The following DNER variants were observed in gnomAD, a reference collection of about 807,000 sequenced individuals.
DNER encodes delta and Notch-like epidermal growth factor-related receptor.
In DNER, 33 loss-of-function variants were observed where a neutral mutation model predicts 78.2. The observed-to-expected ratio is 0.42, with a 90% CI of 0.32 to 0.56. DNER has a LOEUF of 0.56. DNER is among the 20% of genes least tolerant of loss of function. DNER has a pLI of 0.11. For synonymous variants in DNER, 417 were observed against 384.8 expected (o/e 1.08, Z -0.98); for missense variants, 918 against 975.3 (o/e 0.94, Z 0.78).
At chr2:229,453,427 C>T (rs1184388988) in intron 7 of DNER, among the ~76,000 whole-genome samples, 2 of 152,138 alleles carry the variant, frequency 1.3e-5, no homozygotes, top group African/African-American at 4.8e-5. Context: ...ATATGCAGAA[C>T]TTGTGCTCAG....
intron 10 of DNER, among the ~76,000 whole-genome samples, chr2:229,406,432 G>A (rs938676633): frequency 4.6e-5 from 7 of 151,996 alleles, no homozygotes; most frequent in South Asian, 2.1e-4. Flanking sequence ...GAAAAGCAGG[G>A]GATGGAACAT....
chr2:229,610,322 C>G (rs1322088058), intron 1 of DNER, among the ~76,000 whole-genome samples: 1 of 152,126 alleles, frequency 6.6e-6, no homozygotes, highest in Non-Finnish European at 1.5e-5. Context: ...CGCATGGACA[C>G]GGTAGAAGAG....
Position 229,591,498 on chromosome 2 carries a change from A to G in DNER, c.585+82T>C. 6.9e-7 allele frequency: 1 copy of G among 1,452,198 alleles called. No individual in the cohort carries two copies. Among genetic ancestry groups the G allele is most frequent in the Non-Finnish European group, 9.2e-7 (1 of 1,091,072 alleles). 90.0% of individuals were successfully genotyped at this position (1,452,198 alleles called of 1,614,324 possible). A position where few individuals can be genotyped will look rare whatever the true frequency, so the allele number is the denominator to read the frequency against. ...TTTAACTTAAAATGCTTTCATTTTT[A>G]ATTGCTGATACTAGAACCGCTGGAG... On this transcript the variant is annotated intron_variant, in intron 2 of 12. Coordinates refer to ENST00000341772, the MANE Select transcript of DNER (RefSeq NM_139072.4). This position sits in a 1 kb window ranked among gnomAD's most constrained non-coding sequence, Gnocchi z 4.6.
At chr2:229,396,968 T>A (rs549138044) in intron 10 of DNER, among the ~76,000 whole-genome samples, 9 of 152,148 alleles carry the variant, frequency 5.9e-5, no homozygotes, top group African/African-American at 2.2e-4. Flanking sequence ...AGGTAGGTAT[T>A]ATTACCTTCC....
chr2:229,577,198 GA>G (rs1391258114), intron 4 of DNER, among the ~76,000 whole-genome samples: 1 of 152,196 alleles, frequency 6.6e-6, no homozygotes, highest in African/African-American at 2.4e-5. Context: ...AAATTGATTT[GA>G]ATGGTAAGAT....
chr2:229,564,416 ACCATCACCATCATCATCATCATCCTCATC>A (rs1697055716), intron 4 of DNER, among the ~76,000 whole-genome samples: 1 of 96,192 alleles, frequency 1.0e-5, no homozygotes, highest in Non-Finnish European at 2.1e-5. Flanking sequence ...ACATCATCAC[ACCATCACCATCATCATCATCATCCTCATC>A]CCATCACCAT....
At chr2:229,667,443 G>A (rs1412106112) in intron 1 of DNER, among the ~76,000 whole-genome samples, 5 of 152,124 alleles carry the variant, frequency 3.3e-5, no homozygotes, top group Admixed American at 6.6e-5. Flanking sequence ...AGGCCAAGCA[G>A]AGTATTTCAA....
chr2:229,709,761 A>G (rs1474049953), intron 1 of DNER, among the ~76,000 whole-genome samples: 2 of 152,250 alleles, frequency 1.3e-5, no homozygotes, highest in African/African-American at 4.8e-5. Context: ...CTTAGGGAAC[A>G]TGTAACGAAA....
intron 4 of DNER, among the ~76,000 whole-genome samples, chr2:229,572,054 C>T (rs1406830839): frequency 1.3e-5 from 2 of 152,190 alleles, no homozygotes; most frequent in African/African-American, 2.4e-5. Flanking sequence ...CTGGCTCTTA[C>T]ATCCTATCCC....
At chr2:229,449,038 T>C (rs1559354665) in intron 7 of DNER, among the ~76,000 whole-genome samples, 2 of 152,196 alleles carry the variant, frequency 1.3e-5, no homozygotes, top group African/African-American at 4.8e-5. Context: ...CTGTGCAGTA[T>C]AGAAATATAA....
rs376235159 is a variant in DNER, at chr2:229,431,324, C to G, written c.1487-13094G>C. Among the ~76,000 whole-genome samples, 3 of 152,196 alleles carry G rather than the reference C, an allele frequency of 2.0e-5. 1 individual carries two copies. In the South Asian group the frequency reaches 6.2e-4, roughly 32 times the overall value. ...GAAGCCAGGAGAAATTGGCAGTGAA[C>G]CTGCTTTAACGGAAACAGTGTCTAA... is the stretch of plus-strand genomic sequence containing the variant. On this transcript the variant is annotated intron_variant, in intron 8 of 12. Transcript: ENST00000341772.
At chr2:229,532,185 G>T (rs1338281632) in intron 5 of DNER, among the ~76,000 whole-genome samples, 1 of 152,110 alleles carries the variant, frequency 6.6e-6, no homozygotes, top group Non-Finnish European at 1.5e-5. Flanking sequence ...AAAATGTAGA[G>T]TACCTCTGTC....
At chr2:229,561,333 G>A (rs1275383925) in intron 4 of DNER, among the ~76,000 whole-genome samples, 2 of 152,134 alleles carry the variant, frequency 1.3e-5, no homozygotes, top group African/African-American at 2.4e-5. Context: ...GAAAAAAATT[G>A]TAAAGATACT....
intron 1 of DNER, among the ~76,000 whole-genome samples, chr2:229,686,409 C>A (rs1237231658): frequency 2.0e-5 from 3 of 152,176 alleles, no homozygotes; most frequent in Non-Finnish European, 4.4e-5. Flanking sequence ...ATGGTGGACT[C>A]TGGAATGGTC....
chr2:229,595,507 C>T (rs148159124), intron 1 of DNER, among the ~76,000 whole-genome samples: 1,804 of 152,296 alleles, frequency 0.012, 40 homozygotes, highest in African/African-American at 0.042. Flanking sequence ...GTCTCAAACT[C>T]CTGACCTCAG....
chr2:229,403,459 T>C (rs1693313074), intron 10 of DNER, among the ~76,000 whole-genome samples: 1 of 152,170 alleles, frequency 6.6e-6, no homozygotes, highest in African/African-American at 2.4e-5. Context: ...ATGTCCCACA[T>C]TTATTTGGCC....
At chr2:229,484,553 A>G (rs192970693) in intron 6 of DNER, among the ~76,000 whole-genome samples, 1 of 152,308 alleles carries the variant, frequency 6.6e-6, no homozygotes, top group Non-Finnish European at 1.5e-5. Context: ...GTTGTTGTTC[A>G]GGAGCCCATA....
At chr2:229,422,846 C>T (rs1306617515) in intron 8 of DNER, among the ~76,000 whole-genome samples, 11 of 152,016 alleles carry the variant, frequency 7.2e-5, no homozygotes, top group Admixed American at 4.6e-4. Context: ...AACAAAGAGC[C>T]AGATCAAGAC....
chr2:229,591,671 AT>A lies in DNER; in HGVS notation c.493del (p.Ile165SerfsTer9). The A allele has an allele frequency of 6.2e-7, 1 of 1,614,166 alleles. No homozygotes were observed. The highest frequency in any genetic ancestry group is 8.5e-7 in the Non-Finnish European group (1 of 1,180,026). ...PVPATQEPDKILPRSQATVTL... is the reference protein window; with the variant it reads ...PVPATQEPDKXLPRSQATVTL... ...CACCGTTGCCTGAGAGCGAGGCAGGATTTTGTCAGGCTCCTGAGTAGCAGGA... is the reference window on the plus strand; with the variant it reads ...CACCGTTGCCTGAGAGCGAGGCAGGATTTGTCAGGCTCCTGAGTAGCAGGA... On this transcript the variant is annotated frameshift_variant, in exon 2 of 13. Coordinates refer to ENST00000341772, the MANE Select transcript of DNER (RefSeq NM_139072.4). LOFTEE classifies it high-confidence loss of function. The surrounding 1 kb of genome is among the most constrained non-coding windows in gnomAD (Gnocchi z 4.6).
Sources: gnomAD v4.1 joint callset for allele counts (sites outside exome capture counted in the v4.1 genomes callset) on GRCh38, gnomAD v4.1.1 for gene constraint, Gnocchi (gnomAD v3.1) non-coding constraint, MANE v1.5 for transcripts, NCBI Gene and HGNC (gene_info 2026-07-23, HGNC 2026-07-21) for gene names.